Variants in SYT13 observed in about 807,000 individuals in gnomAD.
SYT13 encodes synaptotagmin-13.
In SYT13, 21 loss-of-function variants were observed where a neutral mutation model predicts 38.6. That is an observed-to-expected ratio of 0.54 (90% confidence interval 0.39 to 0.78). The LOEUF (loss-of-function observed/expected upper bound fraction) is 0.78. Ranked by LOEUF, SYT13 falls within the 30% of genes least tolerant of loss-of-function variation. The probability of loss-of-function intolerance (pLI) is 0.00; values close to 1 mark genes in which losing one functional copy is unlikely to be tolerated. For synonymous variants in SYT13, 241 were observed against 237.6 expected, an observed-to-expected ratio of 1.01 and a Z score of -0.13; for missense variants, 495 against 548.7, an observed-to-expected ratio of 0.90 and a Z score of 0.98.
chr11:45,281,262 C>G (rs191545592), intron 1 of SYT13, among the ~76,000 whole-genome samples: 5 of 152,086 alleles, frequency 3.3e-5, no homozygotes, highest in Admixed American at 1.3e-4. Context: ...TAGAACTAAT[C>G]TACTAGAGTT....
intron 3 of SYT13, among the ~76,000 whole-genome samples, chr11:45,253,578 T>C (rs904156487): frequency 1.3e-5 from 2 of 152,196 alleles, no homozygotes; most frequent in African/African-American, 4.8e-5. Context: ...CCTGATTCCT[T>C]TGCAAAGTCT....
In SYT13 at chr11:45,254,682, C is replaced by T. The variant is rs116379931; in HGVS notation, c.410-278G>A. 7.8e-4 allele frequency: 263 copies of T among 337,350 alleles called. 1 individual carries two copies. The highest frequency in any genetic ancestry group is 5.1e-3 in the African/African-American group (241 of 47,330). The allele number at this position is 337,350 out of a possible 1,614,324, so 20.9% of individuals were successfully genotyped here. A position where few individuals can be genotyped will look rare whatever the true frequency, so the allele number is the denominator to read the frequency against. ...TGCTTTATGTTTTGTCTTTCTAAAA[C>T]GCCTACATATTCTTTGGGTCAGGGA... On this transcript the variant is annotated intron_variant, in intron 2 of 5. Transcript: ENST00000020926.
rs1408004967 is a variant in SYT13 at position 45,255,169 on chromosome 11, G to C, written c.409+497C>G. Among the ~76,000 whole-genome samples the C allele has an allele frequency of 2.0e-5, 3 of 151,924 alleles. No homozygotes were observed. The East Asian group carries it at 5.8e-4, about 29-fold the overall frequency. ...AAAAAAACAACAAAAAACCCAATAT[G>C]TTTTTTGTTACCTCCTTTGTGCCAG... is the stretch of plus-strand genomic sequence containing the variant. On this transcript the variant is annotated intron_variant, in intron 2 of 5. Transcript: ENST00000020926.
intron 1 of SYT13, chr11:45,258,476 A>G (rs2135895286): frequency 6.6e-6 from 1 of 152,264 alleles, no homozygotes; most frequent in Non-Finnish European, 1.5e-5. Context: ...CCCACTCCAC[A>G]TTCTGAGTTG....
chr11:45,270,689 C>T (rs1007370017), intron 1 of SYT13, among the ~76,000 whole-genome samples: 3 of 152,016 alleles, frequency 2.0e-5, no homozygotes, highest in African/African-American at 7.3e-5. Context: ...ACCATCAAAC[C>T]CATGTGACTA....
intron 1 of SYT13, among the ~76,000 whole-genome samples, chr11:45,257,926 T>C (rs1174876422): frequency 6.6e-6 from 1 of 152,220 alleles, no homozygotes; most frequent in Non-Finnish European, 1.5e-5. Context: ...ACCCCTCTTG[T>C]ACAGATAAGG....
chr11:45,246,020 C>T (rs1854609854), intron 5 of SYT13, among the ~76,000 whole-genome samples: 1 of 152,116 alleles, frequency 6.6e-6, no homozygotes, highest in African/African-American at 2.4e-5. Flanking sequence ...CAAGTTTTCC[C>T]GACAGCCCAG....
At position 45,241,021 on chromosome 11, in the gene SYT13, A is replaced by T. The variant is rs1467612537; in HGVS notation, c.*3031T>A. The T allele has an allele frequency of 2.0e-5, 3 of 152,248 alleles. No individual in the cohort carries two copies. Among genetic ancestry groups the T allele is most frequent in the African/African-American group, 7.2e-5 (3 of 41,464 alleles). The allele number at this position is 152,248 out of a possible 1,614,324, so 9.4% of individuals were successfully genotyped here. A position where few individuals can be genotyped will look rare whatever the true frequency, so the allele number is the denominator to read the frequency against. The stretch of plus-strand genomic sequence containing the variant: ...CAGTTTGACATCTCTGGATAATTTA[A>T]AATTCACTAAGATGGAGTTTTAGTG... On this transcript the variant is annotated 3_prime_UTR_variant, in exon 6 of 6. Transcript: ENST00000020926.
chr11:45,270,205 G>A (rs977557217), intron 1 of SYT13, among the ~76,000 whole-genome samples: 1 of 152,154 alleles, frequency 6.6e-6, no homozygotes. Context: ...GTTAAACTGA[G>A]TCTGTGTATA....
rs184432647 is a variant in SYT13, at chr11:45,263,525, C to A, written c.184-7634G>T. ...GTCATCTTTGCTCCTTAAACTTGAA[C>A]TTTAAAAAAGGGGAGGGCAGAGAAG... On this transcript the variant is annotated intron_variant, in intron 1 of 5. Transcript: ENST00000020926. Among the ~76,000 whole-genome samples, 888 of 152,220 alleles carry A rather than the reference C, an allele frequency of 5.8e-3. 7 individuals carry two copies. The highest frequency in any genetic ancestry group is 0.02 in the African/African-American group (818 of 41,520).
At chr11:45,283,486 G>T (rs1407765988) in intron 1 of SYT13, among the ~76,000 whole-genome samples, 1 of 152,194 alleles carries the variant, frequency 6.6e-6, no homozygotes, top group Non-Finnish European at 1.5e-5. Flanking sequence ...GCTAATGGTT[G>T]CCACCCTCTT....
chr11:45,254,979 GGTGGCATGCACCT>G (rs1345341180), intron 2 of SYT13, among the ~76,000 whole-genome samples: 2 of 152,070 alleles, frequency 1.3e-5, no homozygotes, highest in Non-Finnish European at 2.9e-5. Context: ...ATCTGGGCAT[GGTGGCATGCACCT>G]GTAGTCCTAG....
chr11:45,245,595 T>A (rs1854604617), intron 5 of SYT13, among the ~76,000 whole-genome samples: 1 of 152,240 alleles, frequency 6.6e-6, no homozygotes, highest in African/African-American at 2.4e-5. Context: ...AGAGACTTAT[T>A]TATATCTTGC....
chr11:45,259,733 C>T (rs1219860949), intron 1 of SYT13, among the ~76,000 whole-genome samples: 1 of 152,142 alleles, frequency 6.6e-6, no homozygotes, highest in East Asian at 1.9e-4. Context: ...TGGCACCAGT[C>T]CTGGGGAAAC....
At chr11:45,261,851 G>A (rs781675075) in intron 1 of SYT13, among the ~76,000 whole-genome samples, 2 of 151,772 alleles carry the variant, frequency 1.3e-5, no homozygotes, top group East Asian at 1.9e-4. Flanking sequence ...GGGAGGCGAA[G>A]GTTGCAGTGA....
intron 1 of SYT13, among the ~76,000 whole-genome samples, chr11:45,277,712 T>G (rs1431467785): frequency 6.6e-6 from 1 of 152,230 alleles, no homozygotes; most frequent in Non-Finnish European, 1.5e-5. Context: ...TTGCCCTGGT[T>G]AAGATCTTCT....
intron 2 of SYT13, among the ~76,000 whole-genome samples, chr11:45,255,240 C>G (rs1248344904): frequency 6.6e-6 from 1 of 152,198 alleles, no homozygotes; most frequent in Non-Finnish European, 1.5e-5. Flanking sequence ...CTACACTTTA[C>G]AACTCCCCTA....
chr11:45,274,220 T>C (rs191341115), intron 1 of SYT13, among the ~76,000 whole-genome samples: 41 of 152,338 alleles, frequency 2.7e-4, no homozygotes, highest in African/African-American at 9.9e-4. Context: ...CTCCAATGGG[T>C]ACCCAAAAAT....
chr11:45,276,340 C>A (rs1855009792), intron 1 of SYT13, among the ~76,000 whole-genome samples: 1 of 152,068 alleles, frequency 6.6e-6, no homozygotes, highest in Non-Finnish European at 1.5e-5. Context: ...GAACTGAAAA[C>A]CAAACACCAC....
Sources: gnomAD v4.1 joint callset for allele counts (sites outside exome capture counted in the v4.1 genomes callset) on GRCh38, gnomAD v4.1.1 for gene constraint, MANE v1.5 for transcripts, NCBI Gene and HGNC (gene_info 2026-07-23, HGNC 2026-07-21) for gene names.